The following CLCA2 variants were observed in gnomAD, a reference collection of about 807,000 sequenced individuals.
CLCA2 encodes the protein calcium-activated chloride channel regulator 2.
A neutral mutation model predicts 82.9 loss-of-function variants in CLCA2; 85 were observed. The ratio of observed to expected loss-of-function variants is 1.03; its 90% CI spans 0.86 to 1.23. CLCA2 has a LOEUF of 1.23. Among genes scored for constraint, CLCA2 ranks in the 50% most tolerant of loss-of-function variants. The probability of loss-of-function intolerance (pLI) is 0.00; values close to 1 mark genes in which losing one functional copy is unlikely to be tolerated. For synonymous variants in CLCA2, 421 were observed against 391.7 expected (o/e 1.07, Z -0.88); for missense variants, 1,089 against 1,124.8 (o/e 0.97, Z 0.45).
At position 86,438,956 on chromosome 1, in the gene CLCA2, T is replaced by G; in HGVS notation, c.1053T>G (p.Ile351Met). Residue 351 changes from isoleucine (I) to methionine (M), a missense_variant, in exon 7 of 14, where the codon ATT becomes ATG. Ile to Met is a conservative substitution (Grantham distance 10). Transcript: ENST00000370565. ...QIVEIHTFVG[I>M]ASFDSKGEIR... ...TTGAAATTCATACCTTCGTGGGCAT[T>G]GCCAGTTTCGACAGCAAAGGAGAGA... 6.2e-7 allele frequency: 1 copy of G among 1,614,142 alleles called. No homozygotes were observed. Among genetic ancestry groups the G allele is most frequent in the Non-Finnish European group, 8.5e-7 (1 of 1,179,996 alleles).
At chr1:86,440,836 G>C (rs1662715333) in intron 8 of CLCA2, among the ~76,000 whole-genome samples, 1 of 152,120 alleles carries the variant, frequency 6.6e-6, no homozygotes, top group South Asian at 2.1e-4. Flanking sequence ...AGGAGGCAGA[G>C]GTTGCAGTCA....
At position 86,438,904 on chromosome 1, in the gene CLCA2, C is replaced by G. The variant is rs148036152; in HGVS notation, c.1001C>G (p.Ala334Gly). ...GACAGACTCCTTCAACTACAACAAG[C>G]CGCAGAATTTTATTTGATGCAGATT... is the stretch of plus-strand genomic sequence containing the variant. ...EADRLLQLQQ[A>G]AEFYLMQIVE... is the part of the protein sequence containing the mutation. Residue 334 changes from alanine (A) to glycine (G), a missense_variant, in exon 7 of 14, where the codon GCC becomes GGC. Physicochemically the swap from Ala to Gly is moderately conservative, Grantham distance 60. Transcript: ENST00000370565. 8.4e-5 allele frequency: 136 copies of G among 1,614,058 alleles called. No homozygotes were observed. The African/African-American group carries it at 1.5e-3, about 18-fold the overall frequency.
At chr1:86,429,547 G>C (rs760725618) in intron 3 of CLCA2, among the ~76,000 whole-genome samples, 87 of 152,158 alleles carry the variant, frequency 5.7e-4, no homozygotes, top group Middle Eastern at 3.2e-3. Context: ...TCAGCCTGTG[G>C]TTAGATATTG....
At chr1:86,439,165 T>C in intron 7 of CLCA2, 59 bp downstream of exon 7, 1 of 1,521,926 alleles carries the variant, frequency 6.6e-7, no homozygotes, top group Non-Finnish European at 9.1e-7. Context: ...TCTTTTAGTA[T>C]ACGAGGTTTC....
chr1:86,434,504 G>T lies in CLCA2; in HGVS notation c.745-14G>T, dbSNP rs55673006. The T allele has an allele frequency of 2.4e-5, 38 of 1,609,316 alleles. No homozygotes were observed. In the Admixed American group the frequency reaches 4.8e-4, roughly 20 times the overall value. ...GAAGTGCCTCTCTTTATTAAAGACT[G>T]TTTTTATTTCCAGGTGGTTGAATTT... On this transcript the variant is annotated splice_polypyrimidine_tract_variant and intron_variant, in intron 5 of 13. Coordinates refer to ENST00000370565, the MANE Select transcript of CLCA2 (RefSeq NM_006536.7).
intron 3 of CLCA2, among the ~76,000 whole-genome samples, chr1:86,428,813 T>C (rs2151709): frequency 0.63 from 95,998 of 151,984 alleles, 30,697 homozygotes; most frequent in Non-Finnish European, 0.69. Flanking sequence ...TCATTTAGAG[T>C]CAAGGGTGGT....
At chr1:86,447,046 G>A (rs1043126634) in intron 10 of CLCA2, among the ~76,000 whole-genome samples, 4 of 152,158 alleles carry the variant, frequency 2.6e-5, no homozygotes, top group African/African-American at 7.2e-5. Context: ...AAAGAAGGAT[G>A]TTGTTGCCTT....
At chr1:86,437,412 G>A (rs1287665478) in intron 6 of CLCA2, among the ~76,000 whole-genome samples, 1 of 152,138 alleles carries the variant, frequency 6.6e-6, no homozygotes, top group Non-Finnish European at 1.5e-5. Flanking sequence ...GGCAGCACCT[G>A]GCGCTGTAGA....
intron 12 of CLCA2, 21 bp from the exon 13 acceptor site, chr1:86,453,348 T>C (rs1186875792): frequency 1.3e-6 from 2 of 1,594,006 alleles, no homozygotes; most frequent in East Asian, 2.2e-5. Context: ...ATTTTGCCTT[T>C]TTTTTTCTTT....
Position 86,428,566 on chromosome 1 carries a change from G to A in CLCA2, c.473G>A (p.Arg158Gln), listed in dbSNP as rs143721621. The change falls in exon 3 of 14, where the codon CGA becomes CAA. Residue 158 changes from arginine (R) to glutamine (Q), a missense_variant and splice_region_variant. Transcript: ENST00000370565. ...NDNLTAGYGSRGRVFVHEWAH... is the reference protein window; with the variant it reads ...NDNLTAGYGSQGRVFVHEWAH... ...AACTTAACAGCTGGCTACGGATCAC[G>A]AGGTAAGTGGGACCAATAAAACAAT... 1.6e-5 allele frequency: 26 copies of A among 1,612,434 alleles called. No homozygotes were observed. Among genetic ancestry groups the A allele is most frequent in the South Asian group, 3.3e-5 (3 of 90,868 alleles).
intron 4 of CLCA2, 52 bp downstream of exon 4, chr1:86,431,022 G>T (rs768924766): frequency 1.5e-6 from 2 of 1,331,720 alleles, no homozygotes; most frequent in Non-Finnish European, 1.1e-6. Context: ...CTCTAAAATT[G>T]CTTATAACTT....
intron 10 of CLCA2, among the ~76,000 whole-genome samples, chr1:86,445,067 T>G (rs1443558726): frequency 6.6e-6 from 1 of 152,084 alleles, no homozygotes; most frequent in East Asian, 1.9e-4. Flanking sequence ...TGGCTAATTT[T>G]TGTATTTTTT....
chr1:86,430,787 T>C, intron 3 of CLCA2, 75 bp from the exon 4 acceptor site: 4 of 1,056,924 alleles, frequency 3.8e-6, no homozygotes, highest in Non-Finnish European at 5.9e-6. Context: ...TCAAGAAATG[T>C]TACGTCTTCA....
At chr1:86,441,412 T>G in intron 8 of CLCA2, 25 bp from the exon 9 acceptor site, 1 of 1,350,936 alleles carries the variant, frequency 7.4e-7, no homozygotes, top group Non-Finnish European at 1.0e-6. Flanking sequence ...ATTTTAATAG[T>G]GAACACTCCT....
chr1:86,428,712 C>A (rs1217236229), intron 3 of CLCA2, 144 bp downstream of exon 3: 3 of 849,898 alleles, frequency 3.5e-6, no homozygotes, highest in Non-Finnish European at 5.3e-6. Context: ...TATGCCCATG[C>A]AAAGATGAGG....
intron 13 of CLCA2, 23 bp downstream of exon 13, chr1:86,453,625 C>G (rs367651231): frequency 1.3e-6 from 2 of 1,589,204 alleles, no homozygotes; most frequent in East Asian, 4.5e-5. Flanking sequence ...ATTTCATTAC[C>G]TATTTTTCCA....
chr1:86,436,406 C>A (rs920810436), intron 6 of CLCA2, among the ~76,000 whole-genome samples: 1 of 152,184 alleles, frequency 6.6e-6, no homozygotes, highest in Non-Finnish European at 1.5e-5. Flanking sequence ...TATTCTTCAT[C>A]AGAAAACTGT....
Position 86,440,209 on chromosome 1 carries a change from AT to A in CLCA2, c.1266del (p.Asp422GlufsTer42), listed in dbSNP as rs1662697133. On this transcript the variant is annotated frameshift_variant, in exon 8 of 14. Transcript: ENST00000370565. LOFTEE classifies it high-confidence loss of function. ...GSVMILVTSG[D>X]DKLLGNCLPT... ...GTGATGATATTAGTGACCAGCGGAG[AT>A]GATAAGCTTCTTGGCAATTGCTTAC... 1 of 1,614,006 alleles carries A rather than the reference AT, an allele frequency of 6.2e-7. No homozygotes were observed. The highest frequency in any genetic ancestry group is 1.3e-5 in the African/African-American group (1 of 74,930).
chr1:86,450,817 G>C (rs1662948838), intron 12 of CLCA2, 84 bp downstream of exon 12: 1 of 1,223,986 alleles, frequency 8.2e-7, no homozygotes, highest in Non-Finnish European at 1.1e-6. Context: ...GGGTGGCAGG[G>C]AGTGAGAGAA....
Sources: gnomAD v4.1 joint callset for allele counts (sites outside exome capture counted in the v4.1 genomes callset) on GRCh38, gnomAD v4.1.1 for gene constraint, MANE v1.5 for transcripts, NCBI Gene and HGNC (gene_info 2026-07-23, HGNC 2026-07-21) for gene names.